The following SUMF1 variants were observed in gnomAD, a reference collection of about 807,000 sequenced individuals.
The protein encoded by SUMF1 is sulfatase modifying factor 1, also known as formylglycine-generating enzyme.
A neutral mutation model predicts 47.6 loss-of-function variants in SUMF1; 48 were observed. That is an observed-to-expected ratio of 1.01 (90% CI 0.80 to 1.28). The LOEUF (loss-of-function observed/expected upper bound fraction) is 1.28. Among genes scored for constraint, SUMF1 ranks in the 50% most tolerant of loss-of-function variants. SUMF1 has a pLI of 0.00. For synonymous variants in SUMF1, 230 were observed against 192.1 expected (o/e 1.20, Z -1.63); for missense variants, 571 against 485.4 (o/e 1.18, Z -1.66).
chr3:4,075,047 G>A (rs1692389693), intron 8 of SUMF1, among the ~76,000 whole-genome samples: 1 of 152,036 alleles, frequency 6.6e-6, no homozygotes, highest in Non-Finnish European at 1.5e-5. Flanking sequence ...ACAAAAAAAA[G>A]GGAATTTTAG....
rs1703093693 is a variant in SUMF1 at position 4,454,667 on chromosome 3, A to G, written c.271-1618T>C. On this transcript the variant is annotated intron_variant, in intron 1 of 8. Coordinates refer to ENST00000272902, the MANE Select transcript of SUMF1 (RefSeq NM_182760.4). ...ATTATTCATAATAGCCAAAAAGCAG[A>G]AACAATCCAAATGTATATCAGCTGA... Among the ~76,000 whole-genome samples the G allele has an allele frequency of 3.9e-5, 6 of 152,270 alleles. No individual in the cohort carries two copies. The South Asian group carries it at 1.2e-3, about 31-fold the overall frequency.
chr3:4,126,871 C>G (rs1295385059), intron 8 of SUMF1, among the ~76,000 whole-genome samples: 2 of 152,166 alleles, frequency 1.3e-5, no homozygotes, highest in African/African-American at 4.8e-5. Context: ...TACTTTCAAT[C>G]TAATGTGTAC....
At chr3:4,230,641 C>G (rs1696278000) in intron 8 of SUMF1, among the ~76,000 whole-genome samples, 1 of 152,094 alleles carries the variant, frequency 6.6e-6, no homozygotes, top group Non-Finnish European at 1.5e-5. Context: ...CTAGGTATGA[C>G]TGATTAAATC....
At chr3:4,314,145 T>G (rs1301901926) in intron 8 of SUMF1, 1 of 252,082 alleles carries the variant, frequency 4.0e-6, no homozygotes, top group East Asian at 8.2e-5. Context: ...AAGGAAGCCA[T>G]TGCATAGAAA....
chr3:4,096,459 A>G (rs976358735), intron 8 of SUMF1, among the ~76,000 whole-genome samples: 4 of 152,146 alleles, frequency 2.6e-5, no homozygotes, highest in Non-Finnish European at 4.4e-5. Flanking sequence ...GAGTGAGTGA[A>G]AAGTAGAAAT....
At position 4,155,291 on chromosome 3, in the gene SUMF1, T is replaced by C. The variant is rs138690589; in HGVS notation, c.1015-86546A>G. Among the ~76,000 whole-genome samples, 8 of 151,582 alleles carry C rather than the reference T, an allele frequency of 5.3e-5. No homozygotes were observed. The East Asian group carries it at 1.4e-3, about 26-fold the overall frequency. On this transcript the variant is annotated intron_variant and NMD_transcript_variant, in intron 8 of 12. Transcript: ENST00000448413. ...TGAAACAGGTATGGTAGATATTTGCTGCCTAGATTCAGACACTCTTTCCAT... is the reference window on the plus strand; with the variant it reads ...TGAAACAGGTATGGTAGATATTTGCCGCCTAGATTCAGACACTCTTTCCAT...
chr3:4,223,073 A>C (rs1696101602), intron 8 of SUMF1, among the ~76,000 whole-genome samples: 1 of 152,172 alleles, frequency 6.6e-6, no homozygotes, highest in Non-Finnish European at 1.5e-5. Context: ...ACTGCAAGAT[A>C]TTTATGAATT....
intron 8 of SUMF1, among the ~76,000 whole-genome samples, chr3:4,194,228 G>C (rs1695381905): frequency 6.6e-6 from 1 of 152,100 alleles, no homozygotes; most frequent in East Asian, 1.9e-4. Flanking sequence ...CATGAGACTA[G>C]ATACTACCAT....
intron 8 of SUMF1, among the ~76,000 whole-genome samples, chr3:4,105,507 A>T (rs1447440125): frequency 6.6e-6 from 1 of 152,136 alleles, no homozygotes; most frequent in African/African-American, 2.4e-5. Context: ...AAGGAACATC[A>T]TTGAATGAAA....
chr3:4,306,180 T>C (rs758967403), intron 8 of SUMF1, among the ~76,000 whole-genome samples: 3 of 152,208 alleles, frequency 2.0e-5, no homozygotes, highest in Non-Finnish European at 4.4e-5. Context: ...TATAAATCTG[T>C]TTCCAATCTT....
chr3:4,332,991 G>C lies in SUMF1; in HGVS notation c.1014+43339C>G, dbSNP rs188666471. The stretch of plus-strand genomic sequence containing the variant: ...TTTGGCTGGGGAGAATCGGCCACTG[G>C]ATGGCCAAACTCCAGGGGAAGATTA... On this transcript the variant is annotated intron_variant and NMD_transcript_variant, in intron 8 of 12. Coordinates refer to the SUMF1 transcript ENST00000448413. Among the ~76,000 whole-genome samples the C allele has an allele frequency of 3.1e-4, 47 of 152,252 alleles. No individual in the cohort carries two copies. The East Asian group carries it at 8.7e-3, about 28-fold the overall frequency.
intron 8 of SUMF1, among the ~76,000 whole-genome samples, chr3:4,079,610 A>T (rs781698215): frequency 4.2e-4 from 63 of 151,556 alleles, no homozygotes; most frequent in Non-Finnish European, 8.8e-5. Flanking sequence ...TGTTTGTGAA[A>T]TGAGGCTGAT....
intron 8 of SUMF1, among the ~76,000 whole-genome samples, chr3:4,152,392 A>G (rs533251100): frequency 1.3e-5 from 2 of 151,346 alleles, no homozygotes; most frequent in African/African-American, 4.9e-5. Context: ...GGCTGAAGCA[A>G]TCCTCCCACC....
chr3:4,359,371 G>A (rs1428741833), downstream of SUMF1, among the ~76,000 whole-genome samples: 10 of 152,028 alleles, frequency 6.6e-5, no homozygotes, highest in African/African-American at 2.2e-4. Context: ...TTGAGCTCTT[G>A]GGCACAAGCG....
chr3:4,156,237 C>T (rs1371109860), intron 8 of SUMF1, among the ~76,000 whole-genome samples: 1 of 151,448 alleles, frequency 6.6e-6, no homozygotes, highest in East Asian at 1.9e-4. Flanking sequence ...AACACAAGGC[C>T]TGCAGAAGGG....
chr3:4,104,154 C>T (rs778368298), intron 8 of SUMF1, among the ~76,000 whole-genome samples: 7 of 152,070 alleles, frequency 4.6e-5, no homozygotes, highest in Non-Finnish European at 7.4e-5. Context: ...CAGATAACTG[C>T]ATAATGCAGG....
intron 3 of SUMF1, among the ~76,000 whole-genome samples, chr3:4,436,045 GC>G (rs1702385666): frequency 6.6e-6 from 1 of 152,218 alleles, no homozygotes; most frequent in Non-Finnish European, 1.5e-5. Flanking sequence ...AGTTTGGGAG[GC>G]CAAGGTGGGA....
At chr3:4,057,461 T>C (rs933595652) in intron 9 of SUMF1, among the ~76,000 whole-genome samples, 8 of 152,118 alleles carry the variant, frequency 5.3e-5, no homozygotes, top group Admixed American at 1.3e-4. Context: ...ACCAAACTCA[T>C]AGACTTGTGT....
chr3:4,121,677 A>G (rs182591504), intron 8 of SUMF1, among the ~76,000 whole-genome samples: 1 of 152,200 alleles, frequency 6.6e-6, no homozygotes, highest in Non-Finnish European at 1.5e-5. Flanking sequence ...TAAGGATTCA[A>G]ATAAGTGCCT....
Sources: gnomAD v4.1 joint callset for allele counts (sites outside exome capture counted in the v4.1 genomes callset) on GRCh38, gnomAD v4.1.1 for gene constraint, MANE v1.5 for transcripts, NCBI Gene and HGNC (gene_info 2026-07-23, HGNC 2026-07-21) for gene names.